The following DSCAM variants were observed in gnomAD, a reference collection of about 807,000 sequenced individuals.
The protein encoded by DSCAM is cell adhesion molecule DSCAM.
A neutral mutation model predicts 217.7 loss-of-function variants in DSCAM; 47 were observed. The ratio of observed to expected loss-of-function variants is 0.22; its 90% CI spans 0.17 to 0.28. The LOEUF is 0.28. Among genes scored for constraint, DSCAM ranks in the 10% least tolerant of loss-of-function variants. The probability of loss-of-function intolerance (pLI) is 1.00; values close to 1 mark genes in which losing one functional copy is unlikely to be tolerated. For synonymous variants in DSCAM, 1,056 were observed against 1,015.3 expected, an observed-to-expected ratio of 1.04 and a Z score of -0.76; for missense variants, 2,080 against 2,618.3, an observed-to-expected ratio of 0.79 and a Z score of 4.49.
chr21:40,245,298 G>A (rs2073208852), intron 11 of DSCAM, among the ~76,000 whole-genome samples: 3 of 152,146 alleles, frequency 2.0e-5, no homozygotes, highest in Admixed American at 2.0e-4. Context: ...CCTCTGAGTG[G>A]GAGGACCTCT....
chr21:40,242,109 C>T (rs1601475672), intron 11 of DSCAM, among the ~76,000 whole-genome samples: 3 of 150,946 alleles, frequency 2.0e-5, no homozygotes, highest in South Asian at 4.2e-4. Flanking sequence ...TATGTGTTTA[C>T]CTATGGAAGA....
intron 3 of DSCAM, among the ~76,000 whole-genome samples, chr21:40,441,963 T>C (rs998731090): frequency 1.3e-5 from 2 of 152,214 alleles, no homozygotes; most frequent in East Asian, 1.9e-4. Flanking sequence ...TCTTACTATT[T>C]GTAAGAAATC....
intron 3 of DSCAM, among the ~76,000 whole-genome samples, chr21:40,633,244 T>A (rs1484716832): frequency 1.3e-5 from 2 of 152,168 alleles, no homozygotes; most frequent in Non-Finnish European, 2.9e-5. Flanking sequence ...CTGAAACGAC[T>A]TTTTCTATTG....
chr21:40,200,477 GA>G (rs1444371161), intron 11 of DSCAM, among the ~76,000 whole-genome samples: 1 of 152,170 alleles, frequency 6.6e-6, no homozygotes, highest in Non-Finnish European at 1.5e-5. Context: ...GCCTGTGTCT[GA>G]ATTTCCTTCT....
At chr21:40,570,447 T>TAAAC (rs1037045172) in intron 3 of DSCAM, among the ~76,000 whole-genome samples, 9 of 152,300 alleles carry the variant, frequency 5.9e-5, no homozygotes, top group Non-Finnish European at 8.8e-5. Flanking sequence ...AAGGGCAAGG[T>TAAAC]AAACATTCCT....
intron 11 of DSCAM, among the ~76,000 whole-genome samples, chr21:40,217,732 TG>T (rs1284340070): frequency 6.6e-6 from 1 of 152,214 alleles, no homozygotes; most frequent in Non-Finnish European, 1.5e-5. Flanking sequence ...GATATCTCAT[TG>T]TGGTTTTGAT....
chr21:40,107,278 T>C (rs2089833128), intron 20 of DSCAM, among the ~76,000 whole-genome samples: 1 of 152,126 alleles, frequency 6.6e-6, no homozygotes. Context: ...GTAATTTGTA[T>C]AGTTTTAAGT....
chr21:40,066,246 A>G (rs933810723), intron 27 of DSCAM, among the ~76,000 whole-genome samples: 2 of 152,236 alleles, frequency 1.3e-5, no homozygotes, highest in African/African-American at 4.8e-5. Flanking sequence ...GTGAAGCTGC[A>G]CAAAGATTTC....
chr21:40,462,823 C>A (rs1285326525), intron 3 of DSCAM, among the ~76,000 whole-genome samples: 1 of 152,112 alleles, frequency 6.6e-6, no homozygotes, highest in East Asian at 1.9e-4. Flanking sequence ...ACTTGTAGCA[C>A]CTGATCAGAG....
chr21:40,210,293 C>T (rs1488360557), intron 11 of DSCAM, among the ~76,000 whole-genome samples: 1 of 152,218 alleles, frequency 6.6e-6, no homozygotes, highest in Admixed American at 6.5e-5. Context: ...CTTCTCCAAA[C>T]TCCCACAACT....
chr21:40,339,060 C>T (rs2074458939), intron 7 of DSCAM, 59 bp downstream of exon 7: 2 of 1,583,866 alleles, frequency 1.3e-6, no homozygotes, highest in Middle Eastern at 4.1e-4. Flanking sequence ...ATGCAGAAAT[C>T]TTCTTCTCCA....
At chr21:40,497,895 T>C (rs1229878563) in intron 3 of DSCAM, among the ~76,000 whole-genome samples, 1 of 152,364 alleles carries the variant, frequency 6.6e-6, no homozygotes, top group African/African-American at 2.4e-5. Context: ...AGAACTGCTA[T>C]GTTGGAATTG....
At chr21:40,188,023 G>A (rs1260166539) in intron 12 of DSCAM, 36 bp from the exon 13 acceptor site, 1 of 1,557,052 alleles carries the variant, frequency 6.4e-7, no homozygotes, top group African/African-American at 1.4e-5. Context: ...ATCTTTTTCA[G>A]TAGGCAAAAT....
At chr21:40,338,957 C>G (rs1340439898) in intron 7 of DSCAM, among the ~76,000 whole-genome samples, 162 bp downstream of exon 7, 1 of 152,154 alleles carries the variant, frequency 6.6e-6, no homozygotes, top group African/African-American at 2.4e-5. Flanking sequence ...CCAACATTAA[C>G]CCAGTCAGTG....
intron 3 of DSCAM, among the ~76,000 whole-genome samples, chr21:40,665,262 T>C (rs2090187421): frequency 6.6e-6 from 1 of 152,198 alleles, no homozygotes; most frequent in African/African-American, 2.4e-5. Context: ...GGGTGCATCC[T>C]TCCTGAACTA....
intron 3 of DSCAM, among the ~76,000 whole-genome samples, chr21:40,455,772 A>C (rs2075758360): frequency 1.3e-5 from 2 of 152,258 alleles, no homozygotes; most frequent in South Asian, 4.1e-4. Context: ...CTCTCTCAAA[A>C]AACAAACAAA....
rs3069756 is a variant in DSCAM at position 40,163,070 on chromosome 21, AACACACACACAC to A, written c.3018+4136_3018+4147del. On this transcript the variant is annotated intron_variant, in intron 16 of 32. Coordinates refer to ENST00000400454, the MANE Select transcript of DSCAM (RefSeq NM_001389.5). The stretch of plus-strand genomic sequence containing the variant: ...TTTTATTTTATGAGTGACCATGGCA[AACACACACACAC>A]ACACACACACACACACACACACACA... Among the ~76,000 whole-genome samples, 981 of 143,228 alleles carry A rather than the reference AACACACACACAC, an allele frequency of 6.8e-3. 12 individuals carry two copies. The highest frequency in any genetic ancestry group is 0.025 in the African/African-American group (942 of 38,398). The allele number at this position is 143,228 out of a possible 152,430, so 94.0% of individuals were successfully genotyped here. A position where few individuals can be genotyped will look rare whatever the true frequency, so the allele number is the denominator to read the frequency against.
intron 6 of DSCAM, among the ~76,000 whole-genome samples, chr21:40,339,909 C>A (rs1382625664): frequency 6.6e-6 from 1 of 152,176 alleles, no homozygotes; most frequent in African/African-American, 2.4e-5. Context: ...CTAGGGAATT[C>A]TTTACAGGAA....
At chr21:40,682,597 A>G (rs1447801680) in intron 3 of DSCAM, among the ~76,000 whole-genome samples, 2 of 118,426 alleles carry the variant, frequency 1.7e-5, no homozygotes, top group Admixed American at 1.6e-4. Flanking sequence ...GAGAGAGAGA[A>G]AGAGAGAAAG....
Sources: gnomAD v4.1 joint callset for allele counts (sites outside exome capture counted in the v4.1 genomes callset) on GRCh38, gnomAD v4.1.1 for gene constraint, MANE v1.5 for transcripts, NCBI Gene and HGNC (gene_info 2026-07-23, HGNC 2026-07-21) for gene names.